Variants in CALN1 observed in about 807,000 individuals in gnomAD.
CALN1 encodes the protein calcium-binding protein 8.
CALN1 carries 17 observed loss-of-function variants against 30.6 expected under a neutral mutation model. The observed-to-expected ratio is 0.56, with a 90% confidence interval of 0.38 to 0.83. CALN1 has a LOEUF of 0.83. Among genes scored for constraint, CALN1 ranks in the 40% least tolerant of loss-of-function variants. CALN1 has a pLI of 0.00. For synonymous variants in CALN1, 156 were observed against 131.4 expected, an observed-to-expected ratio of 1.19 and a Z score of -1.28; for missense variants, 291 against 354.9, an observed-to-expected ratio of 0.82 and a Z score of 1.45.
intron 5 of CALN1, among the ~76,000 whole-genome samples, chr7:72,017,017 A>G (rs991074431): frequency 6.8e-6 from 1 of 147,484 alleles, no homozygotes; most frequent in Admixed American, 6.7e-5. Context: ...AAAAAAAAAA[A>G]GCTGGGTATG....
chr7:72,303,857 G>C (rs1175060594), intron 2 of CALN1, among the ~76,000 whole-genome samples: 1 of 152,162 alleles, frequency 6.6e-6, no homozygotes, highest in East Asian at 1.9e-4. Context: ...CTGGGTGACA[G>C]AGCAAGACTC....
chr7:72,114,040 C>T (rs1206225420), intron 3 of CALN1, among the ~76,000 whole-genome samples: 1 of 151,252 alleles, frequency 6.6e-6, no homozygotes, highest in Non-Finnish European at 1.5e-5. Context: ...GGATGGTGCT[C>T]AAGGAGAGCT....
intron 5 of CALN1, among the ~76,000 whole-genome samples, chr7:71,950,162 A>G (rs1392239389): frequency 6.6e-6 from 1 of 152,090 alleles, no homozygotes; most frequent in Non-Finnish European, 1.5e-5. Flanking sequence ...AAGAACCTGG[A>G]CACCCTCCCC....
chr7:72,149,050 G>A (rs1182268880), intron 3 of CALN1, among the ~76,000 whole-genome samples: 4 of 152,048 alleles, frequency 2.6e-5, no homozygotes, highest in Non-Finnish European at 5.9e-5. Context: ...TCCCTCTCTC[G>A]CTCTGTGTTA....
In CALN1 at chr7:72,063,229, T is replaced by C. The variant is rs186872264; in HGVS notation, c.389-39460A>G. Reference sequence around the variant, plus strand: ...TCACAGAACGGTACACCCTCAAATGTCAATTGTATGTTAATTCAAAATTTA... The same window carrying C: ...TCACAGAACGGTACACCCTCAAATGCCAATTGTATGTTAATTCAAAATTTA... On this transcript the variant is annotated intron_variant, in intron 4 of 6. Transcript: ENST00000395275. Among the ~76,000 whole-genome samples the C allele has an allele frequency of 8.2e-4, 125 of 152,318 alleles. 1 individual carries two copies. The highest frequency in any genetic ancestry group is 1.6e-3 in the Non-Finnish European group (107 of 68,030).
intron 4 of CALN1, among the ~76,000 whole-genome samples, chr7:72,052,297 CG>C (rs1802883715): frequency 6.6e-6 from 1 of 152,050 alleles, no homozygotes; most frequent in South Asian, 2.1e-4. Context: ...CCTGATCTGC[CG>C]TCCCGACAAG....
intron 2 of CALN1, among the ~76,000 whole-genome samples, chr7:72,348,432 G>C (rs1166361434): frequency 6.6e-6 from 1 of 152,200 alleles, no homozygotes; most frequent in Non-Finnish European, 1.5e-5. Flanking sequence ...TAGGTAGCTA[G>C]ATTTTGTGGG....
At chr7:71,871,339 C>T (rs565982904) in intron 5 of CALN1, among the ~76,000 whole-genome samples, 1 of 152,166 alleles carries the variant, frequency 6.6e-6, no homozygotes, top group South Asian at 2.1e-4. Context: ...GCCTCATTTC[C>T]CCGGTATCTG....
At chr7:72,488,881 A>G in the CALN1 span, among the ~76,000 whole-genome samples, 1 of 152,138 alleles carries the variant, frequency 6.6e-6, no homozygotes, top group Non-Finnish European at 1.5e-5. Context: ...ATAGGGTCTC[A>G]CTATGTTGCC....
chr7:72,474,076 A>G, the CALN1 span, among the ~76,000 whole-genome samples: 2 of 152,236 alleles, frequency 1.3e-5, no homozygotes, highest in South Asian at 4.1e-4. Context: ...TTACAGGGCA[A>G]TAAGATCATA....
chr7:71,979,283 T>C (rs1280278048), intron 5 of CALN1, among the ~76,000 whole-genome samples: 1 of 152,194 alleles, frequency 6.6e-6, no homozygotes, highest in African/African-American at 2.4e-5. Flanking sequence ...ACTTTACTTC[T>C]ATTATTATTA....
chr7:72,339,292 C>T (rs1297946740), intron 2 of CALN1, among the ~76,000 whole-genome samples: 1 of 152,096 alleles, frequency 6.6e-6, no homozygotes, highest in Non-Finnish European at 1.5e-5. Flanking sequence ...ATGCAGATAC[C>T]TCTTCGATAT....
intron 4 of CALN1, among the ~76,000 whole-genome samples, chr7:72,035,456 CTAA>C (rs1485805008): frequency 2.6e-5 from 4 of 152,180 alleles, no homozygotes; most frequent in African/African-American, 9.7e-5. Flanking sequence ...CTTTTTTAGA[CTAA>C]TAAGGAGGAA....
chr7:71,790,356 AAAGAAAGAAAGAAAAG>A (rs1793276004), intron 6 of CALN1, among the ~76,000 whole-genome samples: 1 of 101,926 alleles, frequency 9.8e-6, no homozygotes, highest in African/African-American at 3.4e-5. Flanking sequence ...GAAAAGAAAG[AAAGAAAGAAAGAAAAG>A]AAAGAAAGAA....
chr7:71,996,961 G>A (rs189336322), intron 5 of CALN1, among the ~76,000 whole-genome samples: 8 of 152,250 alleles, frequency 5.3e-5, no homozygotes, highest in Non-Finnish European at 7.4e-5. Flanking sequence ...GCTTGGTGGC[G>A]CACATCTATA....
At chr7:72,084,872 A>G (rs993141018) in intron 4 of CALN1, among the ~76,000 whole-genome samples, 4 of 152,216 alleles carry the variant, frequency 2.6e-5, no homozygotes, top group Non-Finnish European at 4.4e-5. Flanking sequence ...TTCCAGATAT[A>G]AACAATTCAT....
rs568727084 is a variant in CALN1, at chr7:72,434,317, A to G, written c.-226+12725T>C. Among the ~76,000 whole-genome samples, 19 of 151,414 alleles carry G rather than the reference A, an allele frequency of 1.3e-4. No homozygotes were observed. In the East Asian group the frequency reaches 2.3e-3, roughly 19 times the overall value. On this transcript the variant is annotated intron_variant, in intron 1 of 6. Coordinates refer to the CALN1 transcript ENST00000395276. ...CAGGAGTTTGAGACCAGCCTGGCCA[A>G]CATGCTAAAACCCCGTCTCTACTAA...
chr7:72,314,143 G>A (rs1053377866), intron 2 of CALN1, among the ~76,000 whole-genome samples: 1 of 152,106 alleles, frequency 6.6e-6, no homozygotes, highest in African/African-American at 2.4e-5. Context: ...GGCAAGGAGG[G>A]GGAGCCAGTC....
rs377082667 is a variant in CALN1, at chr7:72,139,380, TCTCAGCCACGCCCACCCTCTTCTAAGCAC to T, written c.245-33115_245-33087del. Among the ~76,000 whole-genome samples the T allele has an allele frequency of 4.5e-3, 646 of 143,990 alleles. 3 individuals are homozygous for T. The highest frequency in any genetic ancestry group is 0.015 in the African/African-American group (563 of 38,112). The allele number at this position is 143,990 out of a possible 152,430, so 94.5% of individuals were successfully genotyped here. A position where few individuals can be genotyped will look rare whatever the true frequency, so the allele number is the denominator to read the frequency against. The stretch of plus-strand genomic sequence containing the variant: ...ATGCCCACCCTGGGTCTTCTACTCA[TCTCAGCCACGCCCACCCTCTTCTAAGCAC>T]CTCAGCCACGCCCACCCTCTTCTAC... On this transcript the variant is annotated intron_variant, in intron 3 of 6. Coordinates refer to ENST00000395275, the MANE Select transcript of CALN1 (RefSeq NM_031468.4).
Sources: allele counts gnomAD v4.1 joint callset (sites outside exome capture counted in the v4.1 genomes callset), GRCh38; gene constraint gnomAD v4.1.1; transcripts MANE v1.5; gene names NCBI Gene and HGNC (gene_info 2026-07-23, HGNC 2026-07-21).